Variants in FRMPD4 observed in about 807,000 individuals in gnomAD.
FRMPD4 encodes the protein FERM and PDZ domain-containing protein 4.
FRMPD4 carries 22 observed loss-of-function variants against 94.1 expected under a neutral mutation model. The observed-to-expected ratio is 0.23, with a 90% CI of 0.17 to 0.33. The LOEUF is 0.33. Ranked by LOEUF, FRMPD4 falls within the 10% of genes least tolerant of loss-of-function variation. The probability of loss-of-function intolerance (pLI) is 1.00; values close to 1 mark genes in which losing one functional copy is unlikely to be tolerated. For missense variants in FRMPD4, 1,111 were observed against 1,339.9 expected, an observed-to-expected ratio of 0.83 and a Z score of 2.67; for synonymous variants, 631 against 548.6, an observed-to-expected ratio of 1.15 and a Z score of -2.10.
chrX:12,331,701 TA>T (rs1264882788), intron 1 of FRMPD4, among the ~76,000 whole-genome samples: 5 of 65,306 alleles, frequency 7.7e-5, no homozygotes, highest in African/African-American at 3.5e-4. Flanking sequence ...AATATATAAA[TA>T]TATAATATAT....
intron 4 of FRMPD4, among the ~76,000 whole-genome samples, chrX:12,637,874 A>G (rs2059457283): frequency 8.9e-6 from 1 of 112,135 alleles, no homozygotes; most frequent in African/African-American, 3.2e-5. Context: ...TTTACATGCA[A>G]TTTTTAGAAA....
intron 1 of FRMPD4, among the ~76,000 whole-genome samples, chrX:11,838,034 T>C (rs2053511565): frequency 9.0e-6 from 1 of 111,585 alleles, no homozygotes; most frequent in Non-Finnish European, 1.9e-5. Flanking sequence ...CAAAAGATGC[T>C]ATAAGGATAT....
chrX:11,916,923 C>G (rs12689335), intron 3 of FRMPD4, among the ~76,000 whole-genome samples: 1 of 110,262 alleles, frequency 9.1e-6, no homozygotes, highest in East Asian at 2.9e-4. Flanking sequence ...ACATAAGGCA[C>G]GGGCACATGA....
intron 1 of FRMPD4, among the ~76,000 whole-genome samples, chrX:12,252,541 T>TCTAGA (rs1339318886): frequency 8.9e-6 from 1 of 112,249 alleles, no homozygotes; most frequent in African/African-American, 3.2e-5. Context: ...TTCTTCTACC[T>TCTAGA]TATCTAGAGG....
intron 7 of FRMPD4, among the ~76,000 whole-genome samples, chrX:12,687,523 C>T (rs1250365477): frequency 8.9e-6 from 1 of 111,746 alleles, no homozygotes; most frequent in Non-Finnish European, 1.9e-5. Flanking sequence ...AGGAAAGCAG[C>T]CATGAACAGG....
chrX:11,878,812 T>G (rs1257187140), intron 3 of FRMPD4, among the ~76,000 whole-genome samples: 1 of 112,179 alleles, frequency 8.9e-6, no homozygotes, highest in Non-Finnish European at 1.9e-5. Flanking sequence ...AAGACCCTTA[T>G]AAATTTGTTT....
chrX:12,358,079 T>C (rs1316156059), intron 1 of FRMPD4, among the ~76,000 whole-genome samples: 1 of 112,558 alleles, frequency 8.9e-6, no homozygotes, highest in Non-Finnish European at 1.9e-5. Flanking sequence ...CATTCCTTTT[T>C]ACTGCTGAAT....
rs187037947 is a variant in FRMPD4, at chrX:11,905,969, C to T, written c.95+27951C>T. ...TTCAAGTATAATTCTATTACAGCCACAAAATCAAGATATGAAACATTTACA... is the reference window on the plus strand; with the variant it reads ...TTCAAGTATAATTCTATTACAGCCATAAAATCAAGATATGAAACATTTACA... On this transcript the variant is annotated intron_variant, in intron 3 of 18. Transcript: ENST00000640291. Among the ~76,000 whole-genome samples the T allele has an allele frequency of 2.6e-3, 292 of 110,727 alleles. 1 individual carries two copies. The highest frequency in any genetic ancestry group is 8.9e-3 in the African/African-American group (271 of 30,570).
At chrX:11,911,227 C>T (rs924475683) in intron 3 of FRMPD4, among the ~76,000 whole-genome samples, 6 of 112,424 alleles carry the variant, frequency 5.3e-5, no homozygotes, top group Admixed American at 4.7e-4. Flanking sequence ...CTTGAGCTGT[C>T]GTTTGTCAAC....
chrX:12,015,938 G>T (rs1174400356), intron 3 of FRMPD4, among the ~76,000 whole-genome samples: 5 of 112,175 alleles, frequency 4.5e-5, no homozygotes, highest in African/African-American at 9.7e-5. Context: ...ACTCATTGGG[G>T]CTTTATTTTC....
chrX:12,199,261 GTGTGTGTGTA>G lies in FRMPD4; in HGVS notation c.41+60259_41+60268del, dbSNP rs201875214. ...AATGTGTGTGTGTGTGTGTGTGTGT[GTGTGTGTGTA>G]TGTGTGTGTGTGTGTGTTTCCTTCT... On this transcript the variant is annotated intron_variant, in intron 1 of 16. Coordinates refer to ENST00000675598, the MANE Select transcript of FRMPD4 (RefSeq NM_001368397.1). Among the ~76,000 whole-genome samples the G allele has an allele frequency of 1.6e-3, 161 of 102,620 alleles. 1 individual carries two copies. In the East Asian group the frequency reaches 0.021, roughly 13 times the overall value. The allele number at this position is 102,620 out of a possible 115,157, so 89.1% of individuals were successfully genotyped here. A position where few individuals can be genotyped will look rare whatever the true frequency, so the allele number is the denominator to read the frequency against.
intron 1 of FRMPD4, among the ~76,000 whole-genome samples, chrX:12,274,591 G>A (rs899825826): frequency 8.9e-6 from 1 of 112,506 alleles, no homozygotes; most frequent in African/African-American, 3.2e-5. Flanking sequence ...GAGATGTTAG[G>A]AGGGAGCAAG....
At chrX:12,132,343 T>C (rs773666152) in intron 3 of FRMPD4, among the ~76,000 whole-genome samples, 121 of 111,666 alleles carry the variant, frequency 1.1e-3, no homozygotes, top group African/African-American at 3.8e-3. Flanking sequence ...AGGAGTCTTC[T>C]CTATGGGAAT....
chrX:11,947,169 T>A (rs779254606), intron 3 of FRMPD4, among the ~76,000 whole-genome samples: 1 of 111,965 alleles, frequency 8.9e-6, no homozygotes, highest in South Asian at 3.8e-4. Context: ...CCTAATGTAG[T>A]CTAGCCTGAC....
intron 4 of FRMPD4, among the ~76,000 whole-genome samples, chrX:12,663,794 GTA>G (rs766068497): frequency 5.7e-4 from 64 of 112,714 alleles, no homozygotes; most frequent in African/African-American, 2.0e-3. Flanking sequence ...ACTTTTGACA[GTA>G]TGGCCATTTT....
At position 12,442,320 on chromosome X, in the gene FRMPD4, A is replaced by G. The variant is rs778173256; in HGVS notation, c.42-56360A>G. Reference sequence around the variant, plus strand: ...TGCTATACAAATATTAACAGTGGGCACAGGATAACTATGAACACTGCCATG... The same window carrying G: ...TGCTATACAAATATTAACAGTGGGCGCAGGATAACTATGAACACTGCCATG... On this transcript the variant is annotated intron_variant, in intron 1 of 16. Coordinates refer to ENST00000675598, the MANE Select transcript of FRMPD4 (RefSeq NM_001368397.1). Among the ~76,000 whole-genome samples, 59 of 111,319 alleles carry G rather than the reference A, an allele frequency of 5.3e-4. 1 individual carries two copies. In the South Asian group the frequency reaches 6.9e-3, roughly 13 times the overall value.
chrX:12,200,746 AT>A (rs1431116582), intron 1 of FRMPD4, among the ~76,000 whole-genome samples: 1 of 112,579 alleles, frequency 8.9e-6, no homozygotes, highest in Non-Finnish European at 1.9e-5. Flanking sequence ...TAGACTCATG[AT>A]TCATACAACT....
intron 1 of FRMPD4, among the ~76,000 whole-genome samples, chrX:12,303,375 T>C (rs1409096883): frequency 2.7e-5 from 3 of 112,220 alleles, no homozygotes; most frequent in Non-Finnish European, 5.6e-5. Context: ...TAATCAGTTA[T>C]AATAATGATG....
At chrX:11,988,139 G>T (rs926347097) in intron 3 of FRMPD4, among the ~76,000 whole-genome samples, 3 of 111,410 alleles carry the variant, frequency 2.7e-5, no homozygotes, top group Non-Finnish European at 5.7e-5. Flanking sequence ...AAGCTATGCT[G>T]AGCAAAAGGA....
Sources: gnomAD v4.1 joint callset for allele counts (sites outside exome capture counted in the v4.1 genomes callset) on GRCh38, gnomAD v4.1.1 for gene constraint, MANE v1.5 for transcripts, NCBI Gene and HGNC (gene_info 2026-07-23, HGNC 2026-07-21) for gene names.